Variants in DIS3L observed in about 807,000 individuals in gnomAD.
DIS3L encodes the protein DIS3-like exonuclease 1.
A neutral mutation model predicts 120.3 loss-of-function variants in DIS3L; 100 were observed. The observed-to-expected ratio is 0.83, with a 90% confidence interval of 0.71 to 0.98. The LOEUF is 0.98. Among genes scored for constraint, DIS3L ranks in the 50% least tolerant of loss-of-function variants. The pLI, the probability that DIS3L is intolerant of heterozygous loss-of-function variation, is 0.00. For missense variants in DIS3L, 1,196 were observed against 1,314.2 expected (o/e 0.91, Z 1.39); for synonymous variants, 426 against 470.6 (o/e 0.91, Z 1.23).
Position 66,325,845 on chromosome 15 carries a change from TC to T in DIS3L, c.1683del (p.Met562CysfsTer40). ...TGTTTTTGTAGGTATGCTGTAAGCATCATGTGGGAACTGGATAAAGCCTCTT... is the reference window on the plus strand; with the variant it reads ...TGTTTTTGTAGGTATGCTGTAAGCATATGTGGGAACTGGATAAAGCCTCTT... ...LGGVDRYAVS[I>X]MWELDKASYE... On this transcript the variant is annotated frameshift_variant, in exon 12 of 17. Coordinates refer to ENST00000319212, the MANE Select transcript of DIS3L (RefSeq NM_001143688.3). LOFTEE classifies it high-confidence loss of function. The T allele has an allele frequency of 6.2e-7, 1 of 1,602,436 alleles. No individual in the cohort carries two copies. Among genetic ancestry groups the T allele is most frequent in the East Asian group, 2.2e-5 (1 of 44,526 alleles).
At chr15:66,320,480 A>C (rs750295) in intron 8 of DIS3L, 91 bp from the exon 9 acceptor site, 433,021 of 1,412,846 alleles carry the variant, frequency 0.31, 68,719 homozygotes, top group South Asian at 0.33. Context: ...CTTGGAACCC[A>C]GTATTGTTTG....
chr15:66,294,770 T>TA (rs2092567372), intron 1 of DIS3L, among the ~76,000 whole-genome samples: 1 of 152,216 alleles, frequency 6.6e-6, no homozygotes. Flanking sequence ...GGCAACACCA[T>TA]AAACCACGTT....
chr15:66,331,145 A>G (rs1033448188), intron 14 of DIS3L, among the ~76,000 whole-genome samples: 1 of 151,544 alleles, frequency 6.6e-6, no homozygotes, highest in Admixed American at 6.6e-5. Context: ...ATAGAGTGAG[A>G]CTCCATCTCA....
At chr15:66,303,009 C>CT (rs1347483404) in intron 2 of DIS3L, among the ~76,000 whole-genome samples, 5 of 152,168 alleles carry the variant, frequency 3.3e-5, no homozygotes, top group Non-Finnish European at 7.3e-5. Flanking sequence ...TGCTATTCTA[C>CT]TTTCCATCTC....
At chr15:66,300,628 T>A (rs545301971) in intron 2 of DIS3L, among the ~76,000 whole-genome samples, 2 of 152,280 alleles carry the variant, frequency 1.3e-5, no homozygotes, top group Admixed American at 1.3e-4. Flanking sequence ...ATAAAGCTGC[T>A]CTTTTTTAAA....
intron 2 of DIS3L, among the ~76,000 whole-genome samples, chr15:66,303,389 G>A (rs1282367109): frequency 5.9e-5 from 9 of 152,136 alleles, no homozygotes; most frequent in African/African-American, 2.4e-5. Context: ...CCCTATCTAT[G>A]CCGTAGGACA....
At chr15:66,303,574 T>C (rs1364930244) in intron 2 of DIS3L, among the ~76,000 whole-genome samples, 1 of 152,186 alleles carries the variant, frequency 6.6e-6, no homozygotes, top group Non-Finnish European at 1.5e-5. Context: ...TACTTTGTAA[T>C]GGTGCACAAA....
In DIS3L at chr15:66,322,935, G is replaced by T; in HGVS notation, c.1574+1G>T. 6.2e-7 allele frequency: 1 copy of T among 1,613,874 alleles called. No individual in the cohort carries two copies. Among genetic ancestry groups the T allele is most frequent in the Non-Finnish European group, 8.5e-7 (1 of 1,179,912 alleles). Reference sequence around the variant, plus strand: ...ACATTGATATTGAAGCTAGAACAAGGTAATGCTATTTGAAATCAGCTCTAT... The same window carrying T: ...ACATTGATATTGAAGCTAGAACAAGTTAATGCTATTTGAAATCAGCTCTAT... On this transcript the variant is annotated splice_donor_variant, in intron 10 of 16. Transcript: ENST00000319212. LOFTEE classifies it high-confidence loss of function.
rs2092975188 is a variant in DIS3L at position 66,329,383 on chromosome 15, TCAA to T, written c.2525_2527del (p.Asn842del). 6.2e-7 allele frequency: 1 copy of T among 1,602,380 alleles called. No homozygotes were observed. The highest frequency in any genetic ancestry group is 1.3e-5 in the African/African-American group (1 of 74,166). On this transcript the variant is annotated inframe_deletion, in exon 14 of 17. Coordinates refer to ENST00000319212, the MANE Select transcript of DIS3L (RefSeq NM_001143688.3). ...GATCTTGAGGAATTATGCAGACATATCAACAACAGAAACCAAGTAAGAGGGAAT... is the reference window on the plus strand; with the variant it reads ...GATCTTGAGGAATTATGCAGACATATCAACAGAAACCAAGTAAGAGGGAAT...
chr15:66,293,506 C>G, upstream of DIS3L: 1 of 1,252,126 alleles, frequency 8.0e-7, no homozygotes, highest in Non-Finnish European at 1.0e-6. Flanking sequence ...GGTTCCGGAG[C>G]CGCGGCGCCT....
At chr15:66,303,900 G>T (rs949916128) in intron 2 of DIS3L, among the ~76,000 whole-genome samples, 2 of 150,650 alleles carry the variant, frequency 1.3e-5, no homozygotes, top group Non-Finnish European at 3.0e-5. Context: ...GACCATCCTG[G>T]CTAACACGGT....
chr15:66,318,180 G>A (rs765753691), intron 7 of DIS3L, among the ~76,000 whole-genome samples: 2 of 152,114 alleles, frequency 1.3e-5, no homozygotes, highest in South Asian at 2.1e-4. Context: ...CACCATGTTA[G>A]CCAGGCTGGT....
chr15:66,322,232 A>C (rs1016699692), intron 9 of DIS3L, among the ~76,000 whole-genome samples: 1 of 152,250 alleles, frequency 6.6e-6, no homozygotes, highest in Non-Finnish European at 1.5e-5. Flanking sequence ...AAAATGCCCT[A>C]GATAGGTCCT....
chr15:66,328,862 T>C (rs1380076270), intron 12 of DIS3L, 108 bp from the exon 13 acceptor site: 4 of 1,375,448 alleles, frequency 2.9e-6, no homozygotes, highest in Admixed American at 2.6e-5. Flanking sequence ...AAAACAAATT[T>C]ACTGGCAGAT....
intron 2 of DIS3L, among the ~76,000 whole-genome samples, chr15:66,305,794 G>A (rs2092697690): frequency 6.6e-6 from 1 of 152,002 alleles, no homozygotes; most frequent in South Asian, 2.1e-4. Context: ...GCCTCCCAAA[G>A]TGCTGAGATT....
Position 66,309,094 on chromosome 15 carries a change from A to AAAAAAATATATATATAT in DIS3L, c.558+251_558+252insAAAAATATATATATATA. ...CTTGTCTCTACAGAAAAAAAAAAAA[A>AAAAAAATATATATATAT]ATATATATATCTCCAAGCATGGTGG... On this transcript the variant is annotated intron_variant, in intron 4 of 16. Transcript: ENST00000319212. Among the ~76,000 whole-genome samples the AAAAAAATATATATATAT allele has an allele frequency of 1.3e-4, 2 of 15,320 alleles. 1 individual carries two copies. Among genetic ancestry groups the AAAAAAATATATATATAT allele is most frequent in the African/African-American group, 3.9e-4 (2 of 5,122 alleles). The allele number at this position is 15,320 out of a possible 152,430, so 10.1% of individuals were successfully genotyped here. A position where few individuals can be genotyped will look rare whatever the true frequency, so the allele number is the denominator to read the frequency against.
chr15:66,332,438 C>A (rs192496558), intron 15 of DIS3L, among the ~76,000 whole-genome samples: 2,045 of 125,126 alleles, frequency 0.016, 27 homozygotes, highest in Middle Eastern at 0.049. Flanking sequence ...GCCTGGGCGA[C>A]AGAGCAAGAC....
rs1031812331 is a variant in DIS3L, at chr15:66,315,305, TTTTA to T, written c.994+102_994+105del. 111 of 1,199,672 alleles carry T rather than the reference TTTTA, an allele frequency of 9.3e-5. 1 individual carries two copies. The highest frequency in any genetic ancestry group is 8.9e-4 in the Middle Eastern group (3 of 3,358). The allele number at this position is 1,199,672 out of a possible 1,614,324, so 74.3% of individuals were successfully genotyped here. On this transcript the variant is annotated intron_variant, in intron 7 of 16. Transcript: ENST00000319212. ...TAGCAATCCAGAAATACTGCCCTTA[TTTTA>T]TTTATTTATTTTATTTAAATTGACA...
intron 5 of DIS3L, among the ~76,000 whole-genome samples, chr15:66,312,492 A>T (rs1250654565): frequency 6.6e-6 from 1 of 152,184 alleles, no homozygotes; most frequent in African/African-American, 2.4e-5. Flanking sequence ...TCACTAGAAA[A>T]AAACATACCT....
Sources: gnomAD v4.1 joint callset for allele counts (sites outside exome capture counted in the v4.1 genomes callset) on GRCh38, gnomAD v4.1.1 for gene constraint, MANE v1.5 for transcripts, NCBI Gene and HGNC (gene_info 2026-07-23, HGNC 2026-07-21) for gene names.